The following CYTH3 variants were observed in gnomAD, a reference collection of about 807,000 sequenced individuals.
CYTH3 encodes the protein cytohesin 3.
CYTH3 carries 23 observed loss-of-function variants against 55.1 expected under a neutral mutation model. The observed-to-expected ratio is 0.42, with a 90% CI of 0.30 to 0.59. The LOEUF (loss-of-function observed/expected upper bound fraction) is 0.59, where lower values mean the gene tolerates loss of function less well. Ranked by LOEUF, CYTH3 falls within the 20% of genes least tolerant of loss-of-function variation. The pLI is 0.20. For missense variants in CYTH3, 413 were observed against 524.8 expected (o/e 0.79, Z 2.08); for synonymous variants, 249 against 194.9 (o/e 1.28, Z -2.31).
At chr7:6,201,651 G>A (rs976855668) in intron 1 of CYTH3, among the ~76,000 whole-genome samples, 1 of 152,130 alleles carries the variant, frequency 6.6e-6, no homozygotes, top group Admixed American at 6.5e-5. Flanking sequence ...GACTGTGTAA[G>A]ATAACAACAT....
chr7:6,175,154 G>A (rs1783310762), intron 5 of CYTH3, among the ~76,000 whole-genome samples: 1 of 152,092 alleles, frequency 6.6e-6, no homozygotes, highest in Admixed American at 6.5e-5. Context: ...ATTTTTTGTA[G>A]AGGCAGGGCT....
At chr7:6,176,652 T>A (rs1016487617) in intron 5 of CYTH3, among the ~76,000 whole-genome samples, 1 of 152,248 alleles carries the variant, frequency 6.6e-6, no homozygotes, top group African/African-American at 2.4e-5. Context: ...ATATTCTATA[T>A]ATATGATTGC....
chr7:6,190,388 TA>T (rs2128544075), intron 2 of CYTH3, 60 bp downstream of exon 2: 1 of 1,225,768 alleles, frequency 8.2e-7, no homozygotes, highest in Non-Finnish European at 1.1e-6. Context: ...ACTCTTTTAC[TA>T]TTTTACTCAA....
intron 6 of CYTH3, chr7:6,172,968 G>A (rs1429349168): frequency 1.7e-5 from 19 of 1,126,244 alleles, no homozygotes; most frequent in Non-Finnish European, 2.1e-5. Flanking sequence ...TGAAGCCGAA[G>A]ATTTGAGAAG....
At chr7:6,193,602 G>C (rs1259274076) in intron 1 of CYTH3, among the ~76,000 whole-genome samples, 3 of 152,190 alleles carry the variant, frequency 2.0e-5, no homozygotes, top group Non-Finnish European at 4.4e-5. Context: ...ATTTACGTGA[G>C]AGAATCCCCA....
At chr7:6,176,397 G>A (rs28854323) in intron 5 of CYTH3, among the ~76,000 whole-genome samples, 1 of 150,910 alleles carries the variant, frequency 6.6e-6, no homozygotes, top group South Asian at 2.1e-4. Flanking sequence ...GCATAGCTGA[G>A]AATACAGGCG....
At chr7:6,188,866 A>G (rs1783726854) in intron 2 of CYTH3, 1 of 152,196 alleles carries the variant, frequency 6.6e-6, no homozygotes, top group Non-Finnish European at 1.5e-5. Context: ...GGGTTATCTG[A>G]TTTTCCCAAG....
intron 1 of CYTH3, among the ~76,000 whole-genome samples, chr7:6,251,469 G>T (rs1032655427): frequency 6.6e-6 from 1 of 151,868 alleles, no homozygotes; most frequent in African/African-American, 2.4e-5. Flanking sequence ...GCATGGAGAC[G>T]GAACCCTCTC....
intron 1 of CYTH3, among the ~76,000 whole-genome samples, chr7:6,211,005 G>A (rs1300652186): frequency 1.3e-5 from 2 of 152,118 alleles, no homozygotes; most frequent in Non-Finnish European, 2.9e-5. Flanking sequence ...TGAAGTTTTG[G>A]CAGTACTCAT....
intron 1 of CYTH3, among the ~76,000 whole-genome samples, chr7:6,200,054 T>A (rs944880490): frequency 9.9e-5 from 15 of 152,222 alleles, no homozygotes; most frequent in Non-Finnish European, 1.8e-4. Context: ...AATTGTAAGA[T>A]GTATGCTTAA....
In CYTH3 at chr7:6,171,463, G is replaced by A; in HGVS notation, c.450-149C>T. ...GGGCTTGGGGGCGCAGAGACAGAAA[G>A]GAGAAGACCCAGGACAGTCTCCTTC... is the stretch of plus-strand genomic sequence containing the variant. On this transcript the variant is annotated intron_variant, in intron 6 of 12. Coordinates refer to ENST00000350796, the MANE Select transcript of CYTH3 (RefSeq NM_004227.4). This position sits in a 1 kb window ranked among gnomAD's most constrained non-coding sequence, Gnocchi z 6.7. The A allele has an allele frequency of 4.6e-6, 3 of 645,352 alleles. No homozygotes were observed. The highest frequency in any genetic ancestry group is 3.7e-5 in the South Asian group (2 of 54,374). 40.0% of individuals were successfully genotyped at this position (645,352 alleles called of 1,614,324 possible). A position where few individuals can be genotyped will look rare whatever the true frequency, so the allele number is the denominator to read the frequency against.
intron 1 of CYTH3, among the ~76,000 whole-genome samples, chr7:6,224,315 T>TAAA (rs11458182): frequency 9.2e-5 from 8 of 86,642 alleles, no homozygotes; most frequent in East Asian, 2.8e-4. Context: ...CAAAAATAGG[T>TAAA]AAAAAAAAAA....
chr7:6,259,771 A>AT (rs869037090), intron 1 of CYTH3, among the ~76,000 whole-genome samples: 2 of 22,358 alleles, frequency 8.9e-5, no homozygotes, highest in Non-Finnish European at 1.2e-4. Flanking sequence ...ATATATATAT[A>AT]TTATATATAT....
chr7:6,232,301 G>A (rs1468996800), intron 1 of CYTH3, among the ~76,000 whole-genome samples: 3 of 152,086 alleles, frequency 2.0e-5, no homozygotes, highest in African/African-American at 7.2e-5. Context: ...AAGCACCCCG[G>A]GACACACTCT....
At chr7:6,198,634 G>A (rs2128546238) in intron 1 of CYTH3, among the ~76,000 whole-genome samples, 1 of 151,802 alleles carries the variant, frequency 6.6e-6, no homozygotes, top group South Asian at 2.1e-4. Flanking sequence ...AAGAAACAAA[G>A]GTCAAGTGGT....
chr7:6,174,795 C>T (rs1256504041), intron 5 of CYTH3, among the ~76,000 whole-genome samples: 2 of 152,170 alleles, frequency 1.3e-5, no homozygotes, highest in Non-Finnish European at 2.9e-5. Flanking sequence ...GATCCACCCA[C>T]CTCGGCCTCC....
chr7:6,171,027 G>A lies in CYTH3; in HGVS notation c.563-49C>T, dbSNP rs759388793. The A allele has an allele frequency of 6.2e-7, 1 of 1,608,652 alleles. No individual in the cohort carries two copies. The highest frequency in any genetic ancestry group is 8.5e-7 in the Non-Finnish European group (1 of 1,177,444). Reference sequence around the variant, plus strand: ...GCTCAGCCAGAACCTCCAGTGGACAGTGGGACCCCGCGTGCTGGGGGCCCG... The same window carrying A: ...GCTCAGCCAGAACCTCCAGTGGACAATGGGACCCCGCGTGCTGGGGGCCCG... On this transcript the variant is annotated intron_variant, in intron 7 of 12. Coordinates refer to ENST00000350796, the MANE Select transcript of CYTH3 (RefSeq NM_004227.4). This position sits in a 1 kb window ranked among gnomAD's most constrained non-coding sequence, Gnocchi z 6.7.
At chr7:6,202,525 C>T (rs1051333294) in intron 1 of CYTH3, among the ~76,000 whole-genome samples, 2 of 144,420 alleles carry the variant, frequency 1.4e-5, no homozygotes, top group African/African-American at 2.6e-5. Context: ...TGCAGTGGTG[C>T]GAATCTCAGC....
At chr7:6,269,298 A>T (rs1780590687) in intron 1 of CYTH3, among the ~76,000 whole-genome samples, 1 of 152,236 alleles carries the variant, frequency 6.6e-6, no homozygotes, top group Admixed American at 6.5e-5. Flanking sequence ...TTCAAACTTG[A>T]AACAGACTTT....
Sources: gnomAD v4.1 joint callset for allele counts (sites outside exome capture counted in the v4.1 genomes callset) on GRCh38, gnomAD v4.1.1 for gene constraint, Gnocchi (gnomAD v3.1) non-coding constraint, MANE v1.5 for transcripts, NCBI Gene and HGNC (gene_info 2026-07-23, HGNC 2026-07-21) for gene names.